MARCHF1: variants seen among roughly 807,000 people sequenced by gnomAD.
MARCHF1 encodes membrane associated ring-CH-type finger 1.
In MARCHF1, 40 loss-of-function variants were observed where a neutral mutation model predicts 54.2. The ratio of observed to expected loss-of-function variants is 0.74; its 90% confidence interval spans 0.57 to 0.96. The LOEUF is 0.96. Ranked by LOEUF, MARCHF1 falls within the 40% of genes least tolerant of loss-of-function variation. The pLI, the probability that MARCHF1 is intolerant of heterozygous loss-of-function variation, is 0.00. For missense variants in MARCHF1, 586 were observed against 656.5 expected (o/e 0.89, Z 1.17); for synonymous variants, 236 against 236.3 (o/e 1.00, Z 0.01).
intron 1 of MARCHF1, among the ~76,000 whole-genome samples, chr4:164,306,059 T>C (rs970244674): frequency 6.6e-6 from 1 of 152,120 alleles, no homozygotes; most frequent in Non-Finnish European, 1.5e-5. Context: ...TATTTACAAA[T>C]AGCTATATTA....
intron 4 of MARCHF1, among the ~76,000 whole-genome samples, chr4:163,711,113 G>C (rs536709051): frequency 4.0e-5 from 6 of 151,404 alleles, no homozygotes; most frequent in Admixed American, 3.3e-4. Flanking sequence ...GTAATTTTTT[G>C]TAAATTACAC....
chr4:164,141,469 AG>A (rs780301064), intron 1 of MARCHF1, among the ~76,000 whole-genome samples: 3 of 152,228 alleles, frequency 2.0e-5, no homozygotes, highest in Non-Finnish European at 2.9e-5. Flanking sequence ...AAAATTAACA[AG>A]TCTGTGCCAT....
chr4:163,893,201 G>A (rs931577595), intron 3 of MARCHF1, among the ~76,000 whole-genome samples: 9 of 151,984 alleles, frequency 5.9e-5, no homozygotes, highest in South Asian at 2.1e-4. Flanking sequence ...ATGCAGTGGC[G>A]GGATCTCAGC....
At chr4:164,020,178 CA>C (rs1753631147) in intron 2 of MARCHF1, among the ~76,000 whole-genome samples, 1 of 152,058 alleles carries the variant, frequency 6.6e-6, no homozygotes, top group South Asian at 2.1e-4. Flanking sequence ...GAGAGGAAAG[CA>C]AAAAGTCTCT....
At chr4:164,324,321 A>C (rs1280464038) in intron 1 of MARCHF1, among the ~76,000 whole-genome samples, 1 of 151,856 alleles carries the variant, frequency 6.6e-6, no homozygotes, top group East Asian at 1.9e-4. Context: ...ACTAATATTA[A>C]CCCAAATATT....
intron 4 of MARCHF1, among the ~76,000 whole-genome samples, chr4:163,834,686 C>T (rs1579325205): frequency 6.9e-6 from 1 of 144,694 alleles, no homozygotes; most frequent in East Asian, 2.0e-4. Context: ...TCTCAGTAAA[C>T]TATCGCAAGA....
intron 1 of MARCHF1, among the ~76,000 whole-genome samples, chr4:164,351,450 G>C (rs1192777609): frequency 6.6e-6 from 1 of 150,844 alleles, no homozygotes; most frequent in African/African-American, 2.4e-5. Flanking sequence ...GTGGGTCCCT[G>C]ACCCCTGACC....
At chr4:164,232,789 T>C (rs1317768971) in intron 1 of MARCHF1, among the ~76,000 whole-genome samples, 3 of 152,204 alleles carry the variant, frequency 2.0e-5, no homozygotes, top group Non-Finnish European at 2.9e-5. Context: ...AGAAATTGTA[T>C]ATACACACAA....
chr4:163,802,754 A>C (rs1471877551), intron 4 of MARCHF1, among the ~76,000 whole-genome samples: 1 of 152,226 alleles, frequency 6.6e-6, no homozygotes, highest in Non-Finnish European at 1.5e-5. Context: ...TATTGCATTT[A>C]TAAAAGAAAG....
intron 5 of MARCHF1, among the ~76,000 whole-genome samples, chr4:163,656,204 TA>T (rs1401473912): frequency 6.8e-6 from 1 of 147,380 alleles, no homozygotes; most frequent in Non-Finnish European, 1.5e-5. Context: ...ACAGACATAA[TA>T]AAAAATGACA....
chr4:164,332,174 G>A (rs773585366), intron 1 of MARCHF1, among the ~76,000 whole-genome samples: 7 of 152,226 alleles, frequency 4.6e-5, no homozygotes, highest in East Asian at 1.9e-4. Context: ...ACCTGCCTCC[G>A]TCAGGTCTTT....
At chr4:163,584,403 C>T (rs1365265420) in intron 8 of MARCHF1, 2 of 152,010 alleles carry the variant, frequency 1.3e-5, no homozygotes, top group Non-Finnish European at 2.9e-5. Context: ...TTTGGAAAAT[C>T]GTGGAGTACA....
At chr4:164,164,831 C>T (rs1245589651) in intron 1 of MARCHF1, among the ~76,000 whole-genome samples, 2 of 151,988 alleles carry the variant, frequency 1.3e-5, no homozygotes, top group African/African-American at 4.8e-5. Flanking sequence ...GTAAATCTAT[C>T]ATGGTGGTTT....
At chr4:164,017,836 C>CA (rs35073711) in intron 2 of MARCHF1, among the ~76,000 whole-genome samples, 84,621 of 138,008 alleles carry the variant, frequency 0.61, 26,157 homozygotes, top group South Asian at 0.71. Flanking sequence ...CCTAAATTAG[C>CA]AAAAAAAAAA....
chr4:164,111,921 T>C (rs1579544804), intron 1 of MARCHF1, among the ~76,000 whole-genome samples: 1 of 151,862 alleles, frequency 6.6e-6, no homozygotes, highest in South Asian at 2.1e-4. Flanking sequence ...TATTTTCTAA[T>C]AGAGAATTTC....
intron 1 of MARCHF1, among the ~76,000 whole-genome samples, chr4:164,144,080 T>C (rs1040503701): frequency 2.0e-5 from 3 of 152,128 alleles, no homozygotes; most frequent in African/African-American, 7.2e-5. Context: ...AAGGAGGCCA[T>C]TACATAATGG....
Position 163,694,894 on chromosome 4 carries a change from A to G in MARCHF1, c.162+5919T>C, listed in dbSNP as rs536206774. The stretch of plus-strand genomic sequence containing the variant: ...CTTCTCCCTTGAATAATTAAACTAA[A>G]TTTATACCCATTTCCTCAACTTTGG... On this transcript the variant is annotated intron_variant, in intron 5 of 9. Transcript: ENST00000514618. Among the ~76,000 whole-genome samples, 123 of 152,228 alleles carry G rather than the reference A, an allele frequency of 8.1e-4. No individual in the cohort carries two copies. In the South Asian group the frequency reaches 8.1e-3, roughly 10 times the overall value.
intron 4 of MARCHF1, among the ~76,000 whole-genome samples, chr4:163,799,378 T>C (rs761858990): frequency 1.6e-4 from 24 of 152,164 alleles, no homozygotes; most frequent in African/African-American, 2.7e-4. Flanking sequence ...ATACATCTTA[T>C]AGCAAGCTTG....
chr4:164,034,201 AG>A (rs1753946620), intron 2 of MARCHF1, among the ~76,000 whole-genome samples: 1 of 152,168 alleles, frequency 6.6e-6, no homozygotes, highest in Non-Finnish European at 1.5e-5. Context: ...TGAAGCTGGA[AG>A]CCATCATCCT....
Sources: gnomAD v4.1 joint callset for allele counts (sites outside exome capture counted in the v4.1 genomes callset) on GRCh38, gnomAD v4.1.1 for gene constraint, MANE v1.5 for transcripts, NCBI Gene and HGNC (gene_info 2026-07-23, HGNC 2026-07-21) for gene names.